SGCD: variants seen among roughly 807,000 people sequenced by gnomAD.
SGCD encodes delta-sarcoglycan.
SGCD carries 18 observed loss-of-function variants against 36.6 expected under a neutral mutation model. The ratio of observed to expected loss-of-function variants is 0.49; its 90% CI spans 0.34 to 0.73. The LOEUF (loss-of-function observed/expected upper bound fraction) is 0.73, where lower values mean the gene tolerates loss of function less well. SGCD is among the 30% of genes least tolerant of loss of function. SGCD has a pLI of 0.01. For synonymous variants in SGCD, 133 were observed against 130.6 expected (o/e 1.02, Z -0.12); for missense variants, 387 against 346.7 (o/e 1.12, Z -0.92).
intron 7 of SGCD, among the ~76,000 whole-genome samples, chr5:156,714,737 G>A (rs1032724669): frequency 1.3e-5 from 2 of 152,182 alleles, no homozygotes; most frequent in Non-Finnish European, 2.9e-5. Flanking sequence ...TAGTTCAAGG[G>A]ATTTTCATAC....
intron 3 of SGCD, among the ~76,000 whole-genome samples, chr5:156,147,890 G>T (rs1561539593): frequency 1.3e-5 from 2 of 152,098 alleles, no homozygotes. Context: ...TAGATCTTTG[G>T]TAAACTTTTC....
At chr5:156,089,856 A>T (rs2127593827) in intron 1 of SGCD, among the ~76,000 whole-genome samples, 1 of 152,270 alleles carries the variant, frequency 6.6e-6, no homozygotes. Context: ...CCTTATGTAG[A>T]TGTTTTAAAA....
At chr5:156,295,876 AG>A (rs1169374382) in intron 3 of SGCD, among the ~76,000 whole-genome samples, 1 of 152,200 alleles carries the variant, frequency 6.6e-6, no homozygotes, top group African/African-American at 2.4e-5. Context: ...AACCAGTAGA[AG>A]CAACTCAACA....
chr5:156,297,016 G>A (rs1335790146), intron 3 of SGCD, among the ~76,000 whole-genome samples: 1 of 148,190 alleles, frequency 6.7e-6, no homozygotes, highest in Admixed American at 6.6e-5. Flanking sequence ...AATTTTATGT[G>A]TGTATAGCAT....
At chr5:156,017,081 A>G (rs966440830) in intron 1 of SGCD, among the ~76,000 whole-genome samples, 3 of 152,136 alleles carry the variant, frequency 2.0e-5, no homozygotes, top group Non-Finnish European at 2.9e-5. Context: ...TATGCTTTTG[A>G]ATGTGGCCAA....
At chr5:156,321,280 C>T (rs867138906) in intron 3 of SGCD, among the ~76,000 whole-genome samples, 5 of 152,082 alleles carry the variant, frequency 3.3e-5, no homozygotes, top group Middle Eastern at 3.4e-3. Context: ...ATTAGCCAGG[C>T]ATGGTGGTGG....
chr5:156,157,915 A>C (rs2127617372), intron 3 of SGCD, among the ~76,000 whole-genome samples: 1 of 151,866 alleles, frequency 6.6e-6, no homozygotes, highest in South Asian at 2.1e-4. Context: ...CCACATTTTG[A>C]AATGATAAGT....
At chr5:155,875,819 A>G (rs1561634625) in intron 1 of SGCD, among the ~76,000 whole-genome samples, 1 of 152,074 alleles carries the variant, frequency 6.6e-6, no homozygotes, top group Non-Finnish European at 1.5e-5. Flanking sequence ...CTTCTGTTGT[A>G]CAGGTATAAT....
chr5:156,461,512 T>C (rs1053450469), intron 3 of SGCD, among the ~76,000 whole-genome samples: 1 of 152,104 alleles, frequency 6.6e-6, no homozygotes, highest in African/African-American at 2.4e-5. Context: ...TATAATGAAA[T>C]ATAATTTTCT....
intron 1 of SGCD, among the ~76,000 whole-genome samples, chr5:156,030,069 T>C (rs1160990643): frequency 6.6e-6 from 1 of 152,200 alleles, no homozygotes. Flanking sequence ...CTTAGTTACA[T>C]TCTACTTTAT....
chr5:156,625,343 G>T (rs1370380847), intron 6 of SGCD, among the ~76,000 whole-genome samples: 2 of 151,974 alleles, frequency 1.3e-5, no homozygotes, highest in African/African-American at 4.8e-5. Flanking sequence ...AGATACAGTT[G>T]CCAACACATT....
At chr5:156,505,061 A>G (rs1196675796) in intron 3 of SGCD, among the ~76,000 whole-genome samples, 9 of 152,226 alleles carry the variant, frequency 5.9e-5, no homozygotes, top group Non-Finnish European at 1.3e-4. Flanking sequence ...TTTCTGTGAA[A>G]AGGTTTGCCT....
chr5:155,810,775 G>C, the SGCD span, among the ~76,000 whole-genome samples: 1 of 117,810 alleles, frequency 8.5e-6, no homozygotes, highest in Non-Finnish European at 1.7e-5. Context: ...GGTTTTCTCT[G>C]AGTAATCCTT....
chr5:156,497,395 A>G (rs1319407687), intron 3 of SGCD, among the ~76,000 whole-genome samples: 2 of 152,180 alleles, frequency 1.3e-5, no homozygotes, highest in African/African-American at 4.8e-5. Flanking sequence ...ACTCACGCCC[A>G]GAGAAAGTGT....
chr5:156,742,485 C>A (rs1756732373), intron 7 of SGCD, among the ~76,000 whole-genome samples: 1 of 138,774 alleles, frequency 7.2e-6, no homozygotes, highest in Admixed American at 7.9e-5. Context: ...CAGTCCATCA[C>A]CAAATCCAAA....
chr5:156,582,150 A>G (rs1760288926), intron 4 of SGCD, among the ~76,000 whole-genome samples: 1 of 152,176 alleles, frequency 6.6e-6, no homozygotes, highest in Non-Finnish European at 1.5e-5. Context: ...GGAAAATGCT[A>G]GCAAGAAGGC....
At chr5:156,738,157 A>G (rs1756473182) in intron 7 of SGCD, among the ~76,000 whole-genome samples, 1 of 152,020 alleles carries the variant, frequency 6.6e-6, no homozygotes, top group Non-Finnish European at 1.5e-5. Context: ...AAAAATCAGT[A>G]CTCTAATGAA....
chr5:156,752,453 C>T (rs964715293), intron 7 of SGCD, among the ~76,000 whole-genome samples: 3 of 152,156 alleles, frequency 2.0e-5, no homozygotes, highest in Non-Finnish European at 4.4e-5. Context: ...AGTGCAGTGG[C>T]ACAACCTCAG....
chr5:156,540,181 A>G (rs982271201), intron 4 of SGCD, among the ~76,000 whole-genome samples: 3 of 152,138 alleles, frequency 2.0e-5, no homozygotes, highest in Admixed American at 2.0e-4. Flanking sequence ...ATGATGTTGT[A>G]TTGTCTAATT....
Sources: allele counts gnomAD v4.1 joint callset (sites outside exome capture counted in the v4.1 genomes callset), GRCh38; gene constraint gnomAD v4.1.1; transcripts MANE v1.5; gene names NCBI Gene and HGNC (gene_info 2026-07-23, HGNC 2026-07-21).